FOXN2: variants seen among roughly 807,000 people sequenced by gnomAD.
FOXN2 encodes forkhead box N2.
Under a neutral mutation model 41.2 loss-of-function variants are expected in FOXN2, and 19 were observed. The observed-to-expected ratio is 0.46, with a 90% CI of 0.32 to 0.68. The LOEUF is 0.68. Ranked by LOEUF, FOXN2 falls within the 30% of genes least tolerant of loss-of-function variation. FOXN2 has a pLI of 0.03. For synonymous variants in FOXN2, 195 were observed against 176.8 expected (o/e 1.10, Z -0.82); for missense variants, 587 against 509.4 (o/e 1.15, Z -1.47).
chr2:48,332,021 A>T (rs1321122660), intron 2 of FOXN2, among the ~76,000 whole-genome samples: 1 of 152,134 alleles, frequency 6.6e-6, no homozygotes, highest in Non-Finnish European at 1.5e-5. Context: ...GGATGGAAAA[A>T]TTATTATTTT....
chr2:48,373,664 A>G (rs1221063154), intron 6 of FOXN2, among the ~76,000 whole-genome samples: 2 of 152,224 alleles, frequency 1.3e-5, no homozygotes, highest in Admixed American at 1.3e-4. Flanking sequence ...TAAGTAAAGT[A>G]TATTTATGAA....
intron 3 of FOXN2, among the ~76,000 whole-genome samples, chr2:48,354,595 T>C (rs1671665517): frequency 6.6e-6 from 1 of 152,046 alleles, no homozygotes; most frequent in African/African-American, 2.4e-5. Context: ...CGAGACTTCG[T>C]CTCAAAAACA....
chr2:48,314,013 C>A (rs970649812), upstream of FOXN2, among the ~76,000 whole-genome samples: 10 of 152,284 alleles, frequency 6.6e-5, no homozygotes, highest in African/African-American at 2.4e-4. Context: ...GGATTTGATC[C>A]GTAAGTCTTT....
chr2:48,362,304 G>C (rs1038073824), intron 4 of FOXN2, among the ~76,000 whole-genome samples: 4 of 152,170 alleles, frequency 2.6e-5, no homozygotes, highest in Admixed American at 1.3e-4. Flanking sequence ...AGTGGCTCAC[G>C]CCTGTAATTC....
intron 5 of FOXN2, among the ~76,000 whole-genome samples, chr2:48,367,431 A>T (rs1672605697): frequency 6.6e-6 from 1 of 152,208 alleles, no homozygotes; most frequent in African/African-American, 2.4e-5. Context: ...TTAGGGCTAC[A>T]TGTAAAGCTA....
At chr2:48,342,117 T>C (rs1670816366) in intron 2 of FOXN2, among the ~76,000 whole-genome samples, 1 of 152,178 alleles carries the variant, frequency 6.6e-6, no homozygotes, top group African/African-American at 2.4e-5. Context: ...AAAGAAAAAT[T>C]GGGAAATAGA....
intron 2 of FOXN2, among the ~76,000 whole-genome samples, chr2:48,331,114 A>G (rs1324035666): frequency 7.9e-5 from 12 of 152,232 alleles, no homozygotes; most frequent in Non-Finnish European, 5.9e-5. Context: ...AGAGGTAATA[A>G]GGAAAGATAT....
At chr2:48,374,114 G>C (rs968154837) in intron 6 of FOXN2, among the ~76,000 whole-genome samples, 1 of 151,150 alleles carries the variant, frequency 6.6e-6, no homozygotes. Context: ...TCTAAGAAAA[G>C]TGACATAAAA....
intron 5 of FOXN2, among the ~76,000 whole-genome samples, chr2:48,369,629 G>A (rs886366465): frequency 6.6e-6 from 1 of 152,070 alleles, no homozygotes; most frequent in Non-Finnish European, 1.5e-5. Context: ...TCTGTAATTG[G>A]TTTCTCATTA....
At chr2:48,359,340 C>G (rs1359833031) in intron 4 of FOXN2, among the ~76,000 whole-genome samples, 193 bp downstream of exon 4, 1 of 152,190 alleles carries the variant, frequency 6.6e-6, no homozygotes, top group East Asian at 1.9e-4. Context: ...GTCACCTAGG[C>G]TGGAGTGCAG....
rs894936510 is a variant in FOXN2, at chr2:48,375,157, G to C, written c.1010G>C (p.Ser337Thr). 6.2e-7 allele frequency: 1 copy of C among 1,614,122 alleles called. No individual in the cohort carries two copies. ...DEVYEFIPKN[S>T]HVGSDGSEGF... ...GTATATGAATTTATCCCAAAGAATA[G>C]TCACGTGGGAAGTGATGGCAGTGAA... Residue 337 changes from serine to threonine, a missense_variant, in exon 7 of 7, where the codon AGT becomes ACT. By Grantham distance (58) the Ser-to-Thr change is moderately conservative. Transcript: ENST00000340553.
chr2:48,377,659 TTCA>T lies in FOXN2; in HGVS notation c.*2220_*2222del, dbSNP rs1292969044. ...CACGAATTTAAATGTTTAAGTTATATTCATCACTAGCAAGGATGATAAACACTT... is the reference window on the plus strand; with the variant it reads ...CACGAATTTAAATGTTTAAGTTATATTCACTAGCAAGGATGATAAACACTT... On this transcript the variant is annotated 3_prime_UTR_variant, in exon 7 of 7. Coordinates refer to ENST00000340553, the MANE Select transcript of FOXN2 (RefSeq NM_002158.4). The T allele has an allele frequency of 6.6e-6, 1 of 152,092 alleles. No individual in the cohort carries two copies. The highest frequency in any genetic ancestry group is 1.5e-5 in the Non-Finnish European group (1 of 67,938). The allele number at this position is 152,092 out of a possible 1,614,324, so 9.4% of individuals were successfully genotyped here.
chr2:48,359,029 T>G lies in FOXN2; in HGVS notation c.538-18T>G, dbSNP rs751082886. 32 of 1,580,396 alleles carry G rather than the reference T, an allele frequency of 2.0e-5. No individual in the cohort carries two copies. The East Asian group carries it at 6.9e-4, about 34-fold the overall frequency. On this transcript the variant is annotated intron_variant, in intron 3 of 6. Coordinates refer to ENST00000340553, the MANE Select transcript of FOXN2 (RefSeq NM_002158.4). Reference sequence around the variant, plus strand: ...TATGTATAAAAGTTCCTAGTTATTCTTGTGCATTTTATTCTAGGTTAATGG... The same window carrying G: ...TATGTATAAAAGTTCCTAGTTATTCGTGTGCATTTTATTCTAGGTTAATGG...
At chr2:48,323,730 T>G (rs1205912118) in intron 1 of FOXN2, among the ~76,000 whole-genome samples, 1 of 152,208 alleles carries the variant, frequency 6.6e-6, no homozygotes, top group Non-Finnish European at 1.5e-5. Context: ...TTTAGCTGAT[T>G]AAGGTCTCAT....
intron 3 of FOXN2, among the ~76,000 whole-genome samples, chr2:48,350,610 G>GTT (rs1671386259): frequency 6.6e-6 from 1 of 152,098 alleles, no homozygotes; most frequent in Non-Finnish European, 1.5e-5. Flanking sequence ...CCTTTTGCTT[G>GTT]TTCAGGGTCT....
At chr2:48,358,434 T>A (rs746776548) in intron 3 of FOXN2, among the ~76,000 whole-genome samples, 6 of 152,222 alleles carry the variant, frequency 3.9e-5, no homozygotes, top group Non-Finnish European at 5.9e-5. Context: ...ATTAAATGAT[T>A]TGCCCAATAT....
intron 4 of FOXN2, 84 bp from the exon 5 acceptor site, chr2:48,362,559 T>C: frequency 2.5e-6 from 3 of 1,196,568 alleles, no homozygotes; most frequent in Non-Finnish European, 3.7e-6. Flanking sequence ...GCCAGCAGAG[T>C]GAGAGAGAAC....
chr2:48,375,500 G>A lies in FOXN2; in HGVS notation c.*57G>A, dbSNP rs775240390. ...TTAATTCTTTACAAGGGATATCAAAGCCATAATGGACTTCATTAGTTTTAG... is the reference window on the plus strand; with the variant it reads ...TTAATTCTTTACAAGGGATATCAAAACCATAATGGACTTCATTAGTTTTAG... On this transcript the variant is annotated 3_prime_UTR_variant, in exon 7 of 7. Transcript: ENST00000340553. The A allele has an allele frequency of 6.9e-7, 1 of 1,441,918 alleles. No individual in the cohort carries two copies. Among genetic ancestry groups the A allele is most frequent in the Non-Finnish European group, 9.3e-7 (1 of 1,075,398 alleles). The allele number at this position is 1,441,918 out of a possible 1,614,324, so 89.3% of individuals were successfully genotyped here.
chr2:48,352,142 T>G (rs1307163250), intron 3 of FOXN2, among the ~76,000 whole-genome samples: 1 of 152,198 alleles, frequency 6.6e-6, no homozygotes, highest in Non-Finnish European at 1.5e-5. Flanking sequence ...GTATTTGACT[T>G]GTGACAGTGT....
Sources: gnomAD v4.1 joint callset for allele counts (sites outside exome capture counted in the v4.1 genomes callset) on GRCh38, gnomAD v4.1.1 for gene constraint, MANE v1.5 for transcripts, NCBI Gene and HGNC (gene_info 2026-07-23, HGNC 2026-07-21) for gene names.